The following INPP4A variants were observed in gnomAD, a reference collection of about 807,000 sequenced individuals.
The protein encoded by INPP4A is inositol polyphosphate-4-phosphatase type I A.
A neutral mutation model predicts 119.8 loss-of-function variants in INPP4A; 33 were observed. The ratio of observed to expected loss-of-function variants is 0.28; its 90% CI spans 0.21 to 0.37. The LOEUF (loss-of-function observed/expected upper bound fraction) is 0.37. Ranked by LOEUF, INPP4A falls within the 10% of genes least tolerant of loss-of-function variation. The pLI is 1.00. For missense variants in INPP4A, 956 were observed against 1,289.9 expected (o/e 0.74, Z 3.97); for synonymous variants, 496 against 500.7 (o/e 0.99, Z 0.12).
chr2:98,538,242 A>G (rs1690702941), intron 8 of INPP4A, among the ~76,000 whole-genome samples: 1 of 152,196 alleles, frequency 6.6e-6, no homozygotes, highest in Non-Finnish European at 1.5e-5. Context: ...AGTGGGAAAG[A>G]GCCCTACTGG....
chr2:98,563,907 A>G (rs887035632), intron 18 of INPP4A, among the ~76,000 whole-genome samples: 14 of 148,936 alleles, frequency 9.4e-5, no homozygotes, highest in Non-Finnish European at 1.8e-4. Flanking sequence ...GAGGGCATGC[A>G]TGGGTGGCAC....
intron 24 of INPP4A, among the ~76,000 whole-genome samples, chr2:98,582,908 T>A (rs896896002): frequency 2.0e-5 from 3 of 150,256 alleles, no homozygotes; most frequent in Non-Finnish European, 4.4e-5. Context: ...CACAGAAAGA[T>A]CACCTACTGC....
intron 1 of INPP4A, among the ~76,000 whole-genome samples, chr2:98,484,175 T>C (rs1393231994): frequency 6.6e-6 from 1 of 152,024 alleles, no homozygotes; most frequent in African/African-American, 2.4e-5. Context: ...GTCTCTGAGG[T>C]CCCATCACCT....
intron 1 of INPP4A, among the ~76,000 whole-genome samples, chr2:98,503,343 G>C (rs907630962): frequency 6.6e-6 from 1 of 152,186 alleles, no homozygotes; most frequent in Admixed American, 6.5e-5. Flanking sequence ...TGGTGTTAAA[G>C]GATCTCCAGA....
At chr2:98,539,823 C>G in intron 10 of INPP4A, 148 bp downstream of exon 10, 1 of 745,784 alleles carries the variant, frequency 1.3e-6, no homozygotes, top group Non-Finnish European at 2.0e-6. Flanking sequence ...CTTGGCTTGC[C>G]TAAGCCTCAG....
intron 1 of INPP4A, among the ~76,000 whole-genome samples, chr2:98,462,699 AT>A (rs906666603): frequency 3.3e-5 from 5 of 149,566 alleles, no homozygotes; most frequent in South Asian, 2.1e-4. Context: ...CTAATTTTTA[AT>A]TTTTTTTTGT....
intron 9 of INPP4A, 45 bp from the exon 10 acceptor site, chr2:98,539,483 C>T: frequency 6.3e-7 from 1 of 1,581,536 alleles, no homozygotes; most frequent in South Asian, 1.1e-5. Flanking sequence ...GGCAGGTCTG[C>T]AGCCAGTTCA....
At chr2:98,556,832 C>T (rs889167482) in intron 16 of INPP4A, among the ~76,000 whole-genome samples, 1 of 152,222 alleles carries the variant, frequency 6.6e-6, no homozygotes, top group Admixed American at 6.5e-5. Context: ...CTCACTTGAG[C>T]CTCTGTCTCG....
intron 1 of INPP4A, among the ~76,000 whole-genome samples, chr2:98,513,036 G>GA (rs921825739): frequency 4.0e-5 from 6 of 151,052 alleles, no homozygotes; most frequent in East Asian, 1.9e-4. Context: ...TTGTTTGAAA[G>GA]AAAAAAAAAT....
chr2:98,566,758 C>T lies in INPP4A; in HGVS notation c.2420+589C>T, dbSNP rs2106365316. Among the ~76,000 whole-genome samples the T allele has an allele frequency of 6.6e-6, 1 of 152,152 alleles. No homozygotes were observed. Among genetic ancestry groups the T allele is most frequent in the Middle Eastern group, 3.4e-3 (1 of 294 alleles). ...GGGGAGTTGTGTGTGCCTGTGTGTG[C>T]ACGTGTGCCTGTGTGCGCACATGTG... On this transcript the variant is annotated intron_variant, in intron 21 of 24. Transcript: ENST00000409851. This position sits in a 1 kb window ranked among gnomAD's most constrained non-coding sequence, Gnocchi z 4.2.
chr2:98,574,430 G>C (rs1194817020), intron 23 of INPP4A, among the ~76,000 whole-genome samples: 1 of 152,106 alleles, frequency 6.6e-6, no homozygotes, highest in Admixed American at 6.5e-5. Context: ...CTGAGGTCAG[G>C]AGTTCGAGAC....
intron 4 of INPP4A, among the ~76,000 whole-genome samples, chr2:98,523,391 TG>T (rs927967868): frequency 6.6e-6 from 1 of 150,576 alleles, no homozygotes; most frequent in East Asian, 1.9e-4. Flanking sequence ...TTTTTGTTTT[TG>T]TTTTTTTGTT....
chr2:98,523,707 A>C (rs1687672858), intron 4 of INPP4A, among the ~76,000 whole-genome samples: 1 of 152,202 alleles, frequency 6.6e-6, no homozygotes, highest in African/African-American at 2.4e-5. Flanking sequence ...CCAGTTTTTT[A>C]AAAAGCGAGG....
At chr2:98,547,079 C>G (rs1398121716) in intron 13 of INPP4A, among the ~76,000 whole-genome samples, 2 of 152,212 alleles carry the variant, frequency 1.3e-5, no homozygotes, top group Non-Finnish European at 2.9e-5. Flanking sequence ...GGTAAACATT[C>G]CCAGTTTTTG....
intron 10 of INPP4A, among the ~76,000 whole-genome samples, chr2:98,543,482 G>A (rs566233089): frequency 1.4e-4 from 21 of 152,284 alleles, no homozygotes; most frequent in Admixed American, 5.9e-4. Context: ...TCTCTGTTCC[G>A]GGAGGATCAC....
intron 1 of INPP4A, among the ~76,000 whole-genome samples, chr2:98,456,478 C>T (rs1053795561): frequency 5.3e-5 from 8 of 151,816 alleles, no homozygotes; most frequent in African/African-American, 1.5e-4. Context: ...TGACTGCATG[C>T]GTGTGCCACC....
intron 4 of INPP4A, 27 bp from the exon 5 acceptor site, chr2:98,533,350 C>A: frequency 1.4e-6 from 2 of 1,429,122 alleles, no homozygotes; most frequent in South Asian, 1.1e-5. Context: ...TTAAAGGATT[C>A]ATTTCTTTCC....
At chr2:98,491,433 C>T (rs943155946) in intron 1 of INPP4A, among the ~76,000 whole-genome samples, 3 of 152,172 alleles carry the variant, frequency 2.0e-5, no homozygotes, top group Non-Finnish European at 2.9e-5. Context: ...CTCATGCTCT[C>T]GTCTGGATGA....
chr2:98,560,589 A>T (rs563455086), intron 17 of INPP4A, among the ~76,000 whole-genome samples: 4 of 152,076 alleles, frequency 2.6e-5, no homozygotes, highest in Admixed American at 6.5e-5. Flanking sequence ...TTTGGGCCCC[A>T]CCCCCTTGGA....
Sources: allele counts gnomAD v4.1 joint callset (sites outside exome capture counted in the v4.1 genomes callset), GRCh38; gene constraint gnomAD v4.1.1; non-coding constraint Gnocchi (gnomAD v3.1); transcripts MANE v1.5; gene names NCBI Gene and HGNC (gene_info 2026-07-23, HGNC 2026-07-21).